Variants in COL4A2 observed in about 807,000 individuals in gnomAD.
COL4A2 encodes collagen alpha-2(IV) chain.
Under a neutral mutation model 200.2 loss-of-function variants are expected in COL4A2, and 99 were observed. The observed-to-expected ratio is 0.49, with a 90% CI of 0.42 to 0.58. The LOEUF (loss-of-function observed/expected upper bound fraction) is 0.58. Among genes scored for constraint, COL4A2 ranks in the 20% least tolerant of loss-of-function variants. The pLI is 0.00. For synonymous variants in COL4A2, 897 were observed against 900.6 expected (o/e 1.00, Z 0.07); for missense variants, 1,950 against 2,314.1 (o/e 0.84, Z 3.23).
At chr13:110,373,549 G>A (rs117207256) in intron 4 of COL4A2, among the ~76,000 whole-genome samples, 1,750 of 152,314 alleles carry the variant, frequency 0.011, 14 homozygotes, top group African/African-American at 0.015. Flanking sequence ...TAAGCAAAAA[G>A]CTGCTCTCTC....
chr13:110,395,757 CAA>C (rs1309914424), intron 4 of COL4A2, among the ~76,000 whole-genome samples: 17 of 152,170 alleles, frequency 1.1e-4, no homozygotes, highest in Non-Finnish European at 1.3e-4. Context: ...CCAGCCTGGC[CAA>C]TATGACGAAA....
intron 4 of COL4A2, among the ~76,000 whole-genome samples, chr13:110,385,518 G>A (rs1241087043): frequency 2.3e-5 from 3 of 128,218 alleles, no homozygotes; most frequent in East Asian, 4.2e-4. Flanking sequence ...TGGATAGGCC[G>A]TGGTTACAGT....
rs895187244 is a variant in COL4A2 at position 110,488,829 on chromosome 13, G to A, written c.3208-616G>A. ...GAGCGAGGATGTAGTCAGAGTCACCGCCGCCGCTGACATCACCACACTGTC... is the reference window on the plus strand; with the variant it reads ...GAGCGAGGATGTAGTCAGAGTCACCACCGCCGCTGACATCACCACACTGTC... On this transcript the variant is annotated intron_variant, in intron 34 of 47. Transcript: ENST00000360467. 1.3e-4 allele frequency among the ~76,000 whole-genome samples: 20 copies of A among 152,300 alleles called. 3 individuals are homozygous for A. The East Asian group carries it at 1.4e-3, about 10-fold the overall frequency.
chr13:110,314,895 C>T (rs933470296), intron 3 of COL4A2, among the ~76,000 whole-genome samples: 5 of 152,204 alleles, frequency 3.3e-5, no homozygotes, highest in South Asian at 2.1e-4. Context: ...CTCCTGCACA[C>T]GTGGGTCACC....
chr13:110,476,434 G>A (rs946946945), intron 29 of COL4A2, among the ~76,000 whole-genome samples: 143 of 152,342 alleles, frequency 9.4e-4, no homozygotes, highest in African/African-American at 3.3e-3. Context: ...GGCTTCGAGT[G>A]CGCCTCCTGC....
Position 110,472,050 on chromosome 13 carries a change from C to T in COL4A2, c.2204-879C>T, listed in dbSNP as rs142118295. On this transcript the variant is annotated intron_variant, in intron 28 of 47. Transcript: ENST00000360467. The stretch of plus-strand genomic sequence containing the variant: ...AGATCATTTTATCCAGTGGCACCCA[C>T]AAAAGACACAGGACAGCTGCCTTCC... Among the ~76,000 whole-genome samples the T allele has an allele frequency of 4.6e-5, 7 of 152,030 alleles. No homozygotes were observed. The East Asian group carries it at 1.2e-3, about 25-fold the overall frequency.
chr13:110,444,504 C>T (rs536496512), intron 16 of COL4A2, among the ~76,000 whole-genome samples: 1 of 152,320 alleles, frequency 6.6e-6, no homozygotes, highest in Non-Finnish European at 1.5e-5. Context: ...GTCTTCAGCT[C>T]CACCTAGCGT....
At chr13:110,312,564 TC>T (rs1175278455) in intron 3 of COL4A2, among the ~76,000 whole-genome samples, 1 of 152,164 alleles carries the variant, frequency 6.6e-6, no homozygotes, top group Non-Finnish European at 1.5e-5. Flanking sequence ...AATGAAGAGA[TC>T]ACCATCTAGA....
rs889504820 is a variant in COL4A2, at chr13:110,405,972, C to T, written c.181-18762C>T. 2.4e-4 allele frequency among the ~76,000 whole-genome samples: 37 copies of T among 152,302 alleles called. 1 individual carries two copies. The highest frequency in any genetic ancestry group is 2.2e-3 in the Admixed American group (33 of 15,306). On this transcript the variant is annotated intron_variant, in intron 4 of 47. Coordinates refer to ENST00000360467, the MANE Select transcript of COL4A2 (RefSeq NM_001846.4). ...GGCTGGAGGTCATGTTCTGATGAAT[C>T]CCGATCGGGGGAAGCCATGGCTGCT... is the stretch of plus-strand genomic sequence containing the variant.
At chr13:110,496,692 G>A (rs1188283436) in intron 40 of COL4A2, among the ~76,000 whole-genome samples, 1 of 148,306 alleles carries the variant, frequency 6.7e-6, no homozygotes, top group Non-Finnish European at 1.5e-5. Flanking sequence ...GAGGATCTAG[G>A]GTCAGTCCAC....
At chr13:110,434,585 C>A in intron 12 of COL4A2, 143 bp downstream of exon 12, 1 of 819,216 alleles carries the variant, frequency 1.2e-6, no homozygotes, top group South Asian at 1.7e-5. Flanking sequence ...GGGAAATAAT[C>A]ATTGCAAAGT....
intron 43 of COL4A2, 48 bp from the exon 44 acceptor site, chr13:110,503,799 G>A (rs1472634349): frequency 1.2e-6 from 2 of 1,610,592 alleles, no homozygotes; most frequent in East Asian, 2.2e-5. Context: ...GAGCAAGAGA[G>A]TGGAACGACC....
intron 3 of COL4A2, among the ~76,000 whole-genome samples, chr13:110,345,590 T>A (rs1246690903): frequency 6.6e-6 from 1 of 152,142 alleles, no homozygotes; most frequent in Non-Finnish European, 1.5e-5. Flanking sequence ...CATCTCGTCC[T>A]CACCCGTTCT....
rs565438825 is a variant in COL4A2 at position 110,490,370 on chromosome 13, G to T, written c.3346+585G>T. On this transcript the variant is annotated intron_variant, in intron 36 of 47. Coordinates refer to ENST00000360467, the MANE Select transcript of COL4A2 (RefSeq NM_001846.4). ...TCTTCTTTCTGGGGATTTTCTTTTG[G>T]GGGGACCCCACACTGCTCAAGTTGC... Among the ~76,000 whole-genome samples, 429 of 152,354 alleles carry T rather than the reference G, an allele frequency of 2.8e-3. 3 individuals carry two copies. Among genetic ancestry groups the T allele is most frequent in the African/African-American group, 9.9e-3 (413 of 41,574 alleles).
intron 11 of COL4A2, among the ~76,000 whole-genome samples, chr13:110,432,686 C>T (rs1880726634): frequency 6.6e-6 from 1 of 152,226 alleles, no homozygotes; most frequent in African/African-American, 2.4e-5. Context: ...CATTTATTCA[C>T]ATGCATTGAT....
chr13:110,400,164 T>C (rs1927347), intron 4 of COL4A2, among the ~76,000 whole-genome samples: 90,191 of 152,028 alleles, frequency 0.59, 27,387 homozygotes, highest in Non-Finnish European at 0.67. Context: ...AAGTACCTTT[T>C]GATATATAGA....
At position 110,462,812 on chromosome 13, in the gene COL4A2, G is replaced by C. The variant is rs151073283; in HGVS notation, c.1776+428G>C. ...CAGAGACCCCAGCATCATTTCCTCAGGGGAGGCTGGGGTCAGAGGCGCGGG... is the reference window on the plus strand; with the variant it reads ...CAGAGACCCCAGCATCATTTCCTCACGGGAGGCTGGGGTCAGAGGCGCGGG... On this transcript the variant is annotated intron_variant, in intron 24 of 47. Coordinates refer to ENST00000360467, the MANE Select transcript of COL4A2 (RefSeq NM_001846.4). 9.8e-3 allele frequency among the ~76,000 whole-genome samples: 1,490 copies of C among 152,082 alleles called. 11 individuals are homozygous for C. The highest frequency in any genetic ancestry group is 0.017 in the South Asian group (84 of 4,828).
chr13:110,361,202 C>A (rs1187034006), intron 4 of COL4A2, among the ~76,000 whole-genome samples: 1 of 152,222 alleles, frequency 6.6e-6, no homozygotes, highest in African/African-American at 2.4e-5. Flanking sequence ...TACTACAAAT[C>A]CGGTGCATGT....
Position 110,511,977 on chromosome 13 carries a change from C to T in COL4A2, c.4925C>T (p.Ser1642Leu). 6.2e-7 allele frequency: 1 copy of T among 1,613,562 alleles called. No individual in the cohort carries two copies. The highest frequency in any genetic ancestry group is 8.5e-7 in the Non-Finnish European group (1 of 1,180,046). ...GAAGGCGGTGGCCAATCACTGGTGT[C>T]ACCGGGCAGCTGTCTAGAGGACTTC... is the stretch of plus-strand genomic sequence containing the variant. The part of the protein sequence containing the change: ...GDEGGGQSLV[S>L]PGSCLEDFRA... The change falls in exon 48 of 48, where the codon TCA becomes TTA. Residue 1642 changes from serine (S) to leucine (L), a missense_variant. Ser to Leu is a moderately radical substitution (Grantham distance 145). Around this residue, in one of 2 missense-constraint regions of COL4A2, gnomAD observed 1,385 missense variants for 1,720.5 expected, o/e 0.80. Transcript: ENST00000360467.
Sources: gnomAD v4.1 joint callset for allele counts (sites outside exome capture counted in the v4.1 genomes callset) on GRCh38, gnomAD v4.1.1 for gene constraint, gnomAD v4.1.1 regional missense constraint, MANE v1.5 for transcripts, NCBI Gene and HGNC (gene_info 2026-07-23, HGNC 2026-07-21) for gene names.